Variants in PSIP1 observed in about 807,000 individuals in gnomAD.
The protein encoded by PSIP1 is PC4 and SFRS1-interacting protein.
A neutral mutation model predicts 74.7 loss-of-function variants in PSIP1; 19 were observed. The observed-to-expected ratio is 0.25, with a 90% CI of 0.18 to 0.37. The LOEUF is 0.37. Ranked by LOEUF, PSIP1 falls within the 10% of genes least tolerant of loss-of-function variation. PSIP1 has a pLI of 1.00. For missense variants in PSIP1, 601 were observed against 614.3 expected, an observed-to-expected ratio of 0.98 and a Z score of 0.23; for synonymous variants, 222 against 195.3, an observed-to-expected ratio of 1.14 and a Z score of -1.14.
In PSIP1 at chr9:15,465,786, C is replaced by A. The variant is rs1207265856; in HGVS notation, c.1533-206G>T. The A allele has an allele frequency of 2.8e-5, 14 of 496,128 alleles. No homozygotes were observed. The East Asian group carries it at 4.3e-4, about 15-fold the overall frequency. The allele number at this position is 496,128 out of a possible 1,614,324, so 30.7% of individuals were successfully genotyped here. A position where few individuals can be genotyped will look rare whatever the true frequency, so the allele number is the denominator to read the frequency against. ...ATTTTACCATGTTGTATCTTCTTCC[C>A]AAAGTAATATGCAGATGAAGCAAAA... On this transcript the variant is annotated intron_variant, in intron 15 of 15. Coordinates refer to ENST00000380733, the MANE Select transcript of PSIP1 (RefSeq NM_033222.5).
chr9:15,499,779 C>T (rs1230651327), intron 3 of PSIP1, among the ~76,000 whole-genome samples: 1 of 151,068 alleles, frequency 6.6e-6, no homozygotes, highest in Non-Finnish European at 1.5e-5. Context: ...GAGGCTGAGG[C>T]AGGAGAATCG....
At position 15,471,364 on chromosome 9, in the gene PSIP1, A is replaced by G. The variant is rs1035751682; in HGVS notation, c.977+1268T>C. On this transcript the variant is annotated intron_variant, in intron 10 of 15. Coordinates refer to ENST00000380733, the MANE Select transcript of PSIP1 (RefSeq NM_033222.5). ...CAGGAGAAGGAAAGAAAACACAAAT[A>G]TTAGAATTTGAGAAAGTTACATTGG... 5.8e-6 allele frequency: 9 copies of G among 1,555,624 alleles called. No homozygotes were observed. The African/African-American group carries it at 1.1e-4, about 19-fold the overall frequency.
At chr9:15,479,516 T>A in intron 7 of PSIP1, 75 bp downstream of exon 7, 1 of 1,159,868 alleles carries the variant, frequency 8.6e-7, no homozygotes, top group Non-Finnish European at 1.2e-6. Context: ...CCAAAATATT[T>A]GAGGCAGCAA....
chr9:15,471,305 A>G, intron 10 of PSIP1: 3 of 1,570,132 alleles, frequency 1.9e-6, no homozygotes, highest in Non-Finnish European at 2.6e-6. Flanking sequence ...TGCTTTACAG[A>G]GCAAAACTGT....
At chr9:15,475,825 C>T (rs928431575) in intron 8 of PSIP1, among the ~76,000 whole-genome samples, 2 of 152,098 alleles carry the variant, frequency 1.3e-5, no homozygotes, top group African/African-American at 4.8e-5. Context: ...TGACAACTTC[C>T]CTTTTTAGCA....
intron 3 of PSIP1, among the ~76,000 whole-genome samples, chr9:15,504,433 T>C (rs951125990): frequency 5.3e-5 from 8 of 152,178 alleles, no homozygotes; most frequent in African/African-American, 1.9e-4. Flanking sequence ...AAGAATGGAC[T>C]GTGTATTCTG....
At chr9:15,469,804 A>G (rs1257982736) in intron 11 of PSIP1, 134 bp downstream of exon 11, 5 of 703,202 alleles carry the variant, frequency 7.1e-6, no homozygotes, top group Non-Finnish European at 1.2e-5. Context: ...TATAAAGCCC[A>G]TTAGGGATTT....
chr9:15,489,794 T>G (rs1276008099), intron 4 of PSIP1, among the ~76,000 whole-genome samples, 192 bp downstream of exon 4: 1 of 152,106 alleles, frequency 6.6e-6, no homozygotes, highest in Non-Finnish European at 1.5e-5. Flanking sequence ...TGAGATCTGT[T>G]TAACTACATA....
At chr9:15,495,148 T>A (rs1281516660) in intron 3 of PSIP1, among the ~76,000 whole-genome samples, 1 of 152,158 alleles carries the variant, frequency 6.6e-6, no homozygotes, top group Non-Finnish European at 1.5e-5. Flanking sequence ...GGCTCAAAAT[T>A]GGGGTGACCA....
intron 14 of PSIP1, among the ~76,000 whole-genome samples, chr9:15,467,559 C>T (rs530578683): frequency 5.3e-5 from 8 of 152,188 alleles, no homozygotes; most frequent in South Asian, 2.1e-4. Flanking sequence ...AGGGATTTTT[C>T]GTAAAACAAC....
chr9:15,479,802 C>T (rs2036257613), intron 6 of PSIP1, 115 bp from the exon 7 acceptor site: 3 of 625,526 alleles, frequency 4.8e-6, no homozygotes, highest in South Asian at 4.8e-5. Context: ...TAGATATAAC[C>T]TCTATATGAT....
intron 14 of PSIP1, among the ~76,000 whole-genome samples, chr9:15,467,883 A>G (rs1399646183): frequency 6.6e-6 from 1 of 152,204 alleles, no homozygotes; most frequent in African/African-American, 2.4e-5. Context: ...CACTTTGGGA[A>G]GCCACGGCAG....
intron 3 of PSIP1, among the ~76,000 whole-genome samples, chr9:15,498,191 G>T (rs1282416777): frequency 6.6e-6 from 1 of 152,146 alleles, no homozygotes; most frequent in South Asian, 2.1e-4. Flanking sequence ...CAAGGCGGGC[G>T]TGTCACCTGA....
In PSIP1 at chr9:15,494,622, G is replaced by C. The variant is rs115262313; in HGVS notation, c.150-4498C>G. Reference sequence around the variant, plus strand: ...ACACACACACATATATAAAAAATCAGGGTATATAAAAGTCAGCTTTATTAT... The same window carrying C: ...ACACACACACATATATAAAAAATCACGGTATATAAAAGTCAGCTTTATTAT... On this transcript the variant is annotated intron_variant, in intron 3 of 15. Transcript: ENST00000380733. Among the ~76,000 whole-genome samples the C allele has an allele frequency of 6.3e-3, 934 of 148,994 alleles. 16 individuals carry two copies. The highest frequency in any genetic ancestry group is 0.022 in the African/African-American group (881 of 40,334).
At chr9:15,486,701 A>T in intron 5 of PSIP1, 126 bp downstream of exon 5, 1 of 703,876 alleles carries the variant, frequency 1.4e-6, no homozygotes, top group Non-Finnish European at 2.4e-6. Flanking sequence ...AATAAGCCTT[A>T]AATATTTTCT....
intron 3 of PSIP1, among the ~76,000 whole-genome samples, chr9:15,499,792 T>C (rs1235688881): frequency 7.3e-5 from 11 of 150,718 alleles, no homozygotes. Flanking sequence ...GAGAATCGCT[T>C]GAACCCGGGA....
intron 4 of PSIP1, among the ~76,000 whole-genome samples, chr9:15,487,533 T>C (rs553942869): frequency 6.6e-6 from 1 of 151,852 alleles, no homozygotes; most frequent in African/African-American, 2.4e-5. Flanking sequence ...GAGGCAGAGG[T>C]TGCAGCGAGA....
chr9:15,479,311 G>A (rs1400724289), intron 7 of PSIP1, among the ~76,000 whole-genome samples: 1 of 152,002 alleles, frequency 6.6e-6, no homozygotes. Flanking sequence ...ACTCTTAAGT[G>A]AAAGGTAAAA....
At chr9:15,475,422 A>T (rs1265850594) in intron 8 of PSIP1, among the ~76,000 whole-genome samples, 1 of 152,152 alleles carries the variant, frequency 6.6e-6, no homozygotes, top group African/African-American at 2.4e-5. Flanking sequence ...AATACTGGCC[A>T]ACTACTTCTC....
Sources: allele counts gnomAD v4.1 joint callset (sites outside exome capture counted in the v4.1 genomes callset), GRCh38; gene constraint gnomAD v4.1.1; transcripts MANE v1.5; gene names NCBI Gene and HGNC (gene_info 2026-07-23, HGNC 2026-07-21).